Variants in CSMD1 observed in about 807,000 individuals in gnomAD.
The protein encoded by CSMD1 is CUB and sushi domain-containing protein 1.
CSMD1 carries 213 observed loss-of-function variants against 417.5 expected under a neutral mutation model. The observed-to-expected ratio is 0.51, with a 90% CI of 0.46 to 0.57. The LOEUF (loss-of-function observed/expected upper bound fraction) is 0.57. CSMD1 is among the 20% of genes least tolerant of loss of function. The pLI, the probability that CSMD1 is intolerant of heterozygous loss-of-function variation, is 0.00. For missense variants in CSMD1, 6,923 were observed against 4,529.7 expected, an observed-to-expected ratio of 1.53 and a Z score of -15.17; for synonymous variants, 2,862 against 1,736.8, an observed-to-expected ratio of 1.65 and a Z score of -16.11.
At chr8:3,544,063 G>A (rs117941085) in intron 10 of CSMD1, among the ~76,000 whole-genome samples, 74 of 152,208 alleles carry the variant, frequency 4.9e-4, no homozygotes, top group Admixed American at 1.0e-3. Context: ...CTAACCACAG[G>A]CCAAGGTGTG....
intron 1 of CSMD1, among the ~76,000 whole-genome samples, chr8:4,743,631 C>T (rs548569079): frequency 1.3e-5 from 2 of 152,130 alleles, no homozygotes; most frequent in Non-Finnish European, 2.9e-5. Context: ...TTACAAGTTG[C>T]TTTTCCAATT....
chr8:3,858,159 C>T (rs955119170), intron 5 of CSMD1, among the ~76,000 whole-genome samples: 19 of 152,120 alleles, frequency 1.2e-4, no homozygotes, highest in African/African-American at 4.3e-4. Flanking sequence ...GAAATGGAGG[C>T]TTTTTGTCAA....
chr8:3,304,914 T>G (rs1399199760), intron 25 of CSMD1, among the ~76,000 whole-genome samples: 2 of 152,116 alleles, frequency 1.3e-5, no homozygotes, highest in Non-Finnish European at 2.9e-5. Flanking sequence ...AGATAAATTA[T>G]TTTTATATAA....
chr8:4,531,234 TA>T (rs1384446149), intron 2 of CSMD1, among the ~76,000 whole-genome samples: 1 of 152,180 alleles, frequency 6.6e-6, no homozygotes. Flanking sequence ...GCCACACTGA[TA>T]GATGATCTCC....
chr8:4,186,072 C>T (rs566865981), intron 3 of CSMD1, among the ~76,000 whole-genome samples: 5 of 152,166 alleles, frequency 3.3e-5, no homozygotes, highest in South Asian at 2.1e-4. Context: ...GTGTGGAAGA[C>T]GCAGCTGTTA....
intron 3 of CSMD1, among the ~76,000 whole-genome samples, chr8:4,226,619 C>A (rs1003318817): frequency 1.3e-5 from 2 of 152,066 alleles, no homozygotes; most frequent in African/African-American, 4.8e-5. Context: ...TATTCTATAA[C>A]ATCAATTACT....
intron 5 of CSMD1, among the ~76,000 whole-genome samples, chr8:3,866,616 C>G (rs891438013): frequency 6.6e-6 from 1 of 151,886 alleles, no homozygotes; most frequent in South Asian, 2.1e-4. Flanking sequence ...TTCCATCCCT[C>G]AAACCCAAAG....
At chr8:3,607,448 C>T (rs1023705808) in intron 8 of CSMD1, among the ~76,000 whole-genome samples, 1 of 152,210 alleles carries the variant, frequency 6.6e-6, no homozygotes, top group Non-Finnish European at 1.5e-5. Flanking sequence ...GCATGAACTA[C>T]TAAGACAGTC....
chr8:4,174,154 T>C (rs1274353671), intron 3 of CSMD1, among the ~76,000 whole-genome samples: 4 of 152,102 alleles, frequency 2.6e-5, no homozygotes, highest in Non-Finnish European at 5.9e-5. Context: ...CAAAGGCTCG[T>C]GGCTGCCCCT....
At chr8:4,328,242 ATTTTTT>A (rs3067534) in intron 3 of CSMD1, among the ~76,000 whole-genome samples, 18,152 of 124,874 alleles carry the variant, frequency 0.15, 1,059 homozygotes, top group African/African-American at 0.24. Context: ...ACTCAATACA[ATTTTTT>A]TTTTTTTTTT....
chr8:3,330,561 C>G (rs1015827707), intron 23 of CSMD1, among the ~76,000 whole-genome samples: 14 of 152,068 alleles, frequency 9.2e-5, no homozygotes, highest in Non-Finnish European at 1.8e-4. Flanking sequence ...CTCATGAACA[C>G]AAAGAAGGGG....
intron 1 of CSMD1, among the ~76,000 whole-genome samples, chr8:4,664,884 A>G (rs1056099917): frequency 6.6e-6 from 1 of 152,180 alleles, no homozygotes; most frequent in African/African-American, 2.4e-5. Flanking sequence ...TATATATATT[A>G]CTTCTTTACA....
intron 18 of CSMD1, among the ~76,000 whole-genome samples, chr8:3,384,046 G>A (rs1245491705): frequency 6.6e-6 from 1 of 152,024 alleles, no homozygotes; most frequent in Non-Finnish European, 1.5e-5. Context: ...ACCCTGGGAG[G>A]CAGTGACTGG....
intron 3 of CSMD1, among the ~76,000 whole-genome samples, chr8:4,078,636 T>G (rs1471051511): frequency 4.0e-5 from 6 of 151,524 alleles, no homozygotes; most frequent in African/African-American, 1.2e-4. Flanking sequence ...TTTCTGTATT[T>G]CACATGTATT....
chr8:3,915,082 C>T (rs1027748874), intron 5 of CSMD1, among the ~76,000 whole-genome samples: 2 of 152,036 alleles, frequency 1.3e-5, no homozygotes, highest in Non-Finnish European at 2.9e-5. Flanking sequence ...AATTAGGGAT[C>T]GGAAAAGCCC....
chr8:3,411,686 A>G (rs1432072489), intron 12 of CSMD1, among the ~76,000 whole-genome samples: 16 of 21,062 alleles, frequency 7.6e-4, no homozygotes, highest in African/African-American at 2.3e-3. Context: ...ATATACGTGT[A>G]TATATACACA....
intron 3 of CSMD1, among the ~76,000 whole-genome samples, chr8:4,116,021 G>C (rs1248721400): frequency 2.0e-5 from 3 of 147,432 alleles, no homozygotes; most frequent in South Asian, 2.1e-4. Flanking sequence ...TATTTATGGA[G>C]AGGGAGTCTC....
chr8:4,012,273 C>T (rs575006314), intron 4 of CSMD1, among the ~76,000 whole-genome samples: 45 of 152,088 alleles, frequency 3.0e-4, no homozygotes, highest in Non-Finnish European at 6.0e-4. Flanking sequence ...TTGGCCAGTT[C>T]TTCTGAGTCA....
chr8:3,913,162 CAGGGAG>C (rs1808575339), intron 5 of CSMD1, among the ~76,000 whole-genome samples: 1 of 152,016 alleles, frequency 6.6e-6, no homozygotes, highest in African/African-American at 2.4e-5. Context: ...GTTACATCGA[CAGGGAG>C]ATGTTGAGTT....
Sources: gnomAD v4.1 joint callset for allele counts (sites outside exome capture counted in the v4.1 genomes callset) on GRCh38, gnomAD v4.1.1 for gene constraint, MANE v1.5 for transcripts, NCBI Gene and HGNC (gene_info 2026-07-23, HGNC 2026-07-21) for gene names.